PDE1C: variants seen among roughly 807,000 people sequenced by gnomAD.
PDE1C encodes the protein phosphodiesterase 1C, also known as dual specificity calcium/calmodulin-dependent 3',5'-cyclic nucleotide phosphodiesterase 1C.
Under a neutral mutation model 93.1 loss-of-function variants are expected in PDE1C, and 62 were observed. That is an observed-to-expected ratio of 0.67 (90% CI 0.54 to 0.82). The LOEUF (loss-of-function observed/expected upper bound fraction) is 0.82, where lower values mean the gene tolerates loss of function less well. PDE1C is among the 40% of genes least tolerant of loss of function. The pLI is 0.00. For missense variants in PDE1C, 742 were observed against 884.6 expected (o/e 0.84, Z 2.04); for synonymous variants, 325 against 310.1 (o/e 1.05, Z -0.50).
At chr7:32,380,286 G>A (rs1034716533) in intron 1 of PDE1C, among the ~76,000 whole-genome samples, 5 of 151,304 alleles carry the variant, frequency 3.3e-5, no homozygotes, top group Non-Finnish European at 7.4e-5. Context: ...CACCCAGGCT[G>A]GAGTGCAGTG....
At chr7:32,184,125 G>A (rs973335305) in intron 2 of PDE1C, among the ~76,000 whole-genome samples, 97 of 152,252 alleles carry the variant, frequency 6.4e-4, no homozygotes, top group Middle Eastern at 6.8e-3. Flanking sequence ...TTAGAATGGC[G>A]ATCATTAAAA....
intron 2 of PDE1C, among the ~76,000 whole-genome samples, chr7:32,020,879 A>C (rs1788572445): frequency 6.6e-6 from 1 of 152,132 alleles, no homozygotes; most frequent in South Asian, 2.1e-4. Context: ...CATTGCAGAA[A>C]TTTCTAGACC....
At chr7:31,984,173 A>G (rs1279198642) in intron 2 of PDE1C, among the ~76,000 whole-genome samples, 1 of 152,172 alleles carries the variant, frequency 6.6e-6, no homozygotes, top group African/African-American at 2.4e-5. Flanking sequence ...ACCAGACAGC[A>G]GGAGGTGAGC....
intron 1 of PDE1C, among the ~76,000 whole-genome samples, chr7:32,262,316 A>G (rs1280165613): frequency 2.6e-5 from 4 of 152,118 alleles, no homozygotes; most frequent in Non-Finnish European, 5.9e-5. Context: ...CTTAAACTCA[A>G]TGAAAAAATT....
At chr7:32,071,992 T>C (rs1796090159), upstream of PDE1C, among the ~76,000 whole-genome samples, 1 of 146,620 alleles carries the variant, frequency 6.8e-6, no homozygotes. Context: ...AGAATTATTT[T>C]CCTATCTATT....
At chr7:32,254,909 C>T (rs1449592209) in intron 1 of PDE1C, among the ~76,000 whole-genome samples, 1 of 152,216 alleles carries the variant, frequency 6.6e-6, no homozygotes, top group African/African-American at 2.4e-5. Flanking sequence ...ACTCAGTAGA[C>T]AATGGCTGCC....
intron 2 of PDE1C, among the ~76,000 whole-genome samples, chr7:31,984,058 G>A (rs546428147): frequency 6.6e-6 from 1 of 152,272 alleles, no homozygotes; most frequent in African/African-American, 2.4e-5. Flanking sequence ...GCAGGAGGAG[G>A]AAGAGTACCT....
intron 3 of PDE1C, among the ~76,000 whole-genome samples, chr7:32,098,071 A>G (rs1176930200): frequency 6.7e-6 from 1 of 149,318 alleles, no homozygotes; most frequent in African/African-American, 2.5e-5. Flanking sequence ...TCTACTAAAA[A>G]TACAAAAAAT....
intron 2 of PDE1C, among the ~76,000 whole-genome samples, chr7:31,892,417 A>T (rs777979198): frequency 3.3e-5 from 5 of 152,188 alleles, no homozygotes; most frequent in Non-Finnish European, 5.9e-5. Context: ...CGGTGAGAGA[A>T]AAAGAATCCC....
At chr7:32,036,743 T>C (rs75597768) in intron 2 of PDE1C, among the ~76,000 whole-genome samples, 3,345 of 152,268 alleles carry the variant, frequency 0.022, 135 homozygotes, top group African/African-American at 0.076. Context: ...TAACCAAGAA[T>C]GACTCAACAA....
intron 2 of PDE1C, among the ~76,000 whole-genome samples, chr7:31,887,764 A>G (rs1410884795): frequency 6.6e-6 from 1 of 152,230 alleles, no homozygotes; most frequent in African/African-American, 2.4e-5. Flanking sequence ...TGTGACAACA[A>G]TGAAACACAA....
chr7:31,919,909 T>A (rs761527722), intron 2 of PDE1C, among the ~76,000 whole-genome samples: 1 of 152,178 alleles, frequency 6.6e-6, no homozygotes, highest in Non-Finnish European at 1.5e-5. Context: ...TTCTGGCTCC[T>A]CTGAGCAGCC....
At chr7:31,790,681 A>C (rs1784488570) in intron 16 of PDE1C, among the ~76,000 whole-genome samples, 1 of 152,092 alleles carries the variant, frequency 6.6e-6, no homozygotes, top group African/African-American at 2.4e-5. Flanking sequence ...TCCCTCTCAG[A>C]ATTCTTGCCC....
At chr7:31,769,782 C>T (rs931097680) in intron 17 of PDE1C, among the ~76,000 whole-genome samples, 2 of 152,166 alleles carry the variant, frequency 1.3e-5, no homozygotes, top group East Asian at 1.9e-4. Context: ...CTCCCCAGCC[C>T]GTGACAACCA....
At position 31,753,469 on chromosome 7, in the gene PDE1C, T is replaced by A. The variant is rs1415990347; in HGVS notation, c.2045A>T (p.Glu682Val). Residue 682 changes from glutamate to valine, a missense_variant, in exon 18 of 18, where the codon GAG (glutamate) becomes GTG (valine). Glu to Val is a moderately radical substitution (Grantham distance 121). Coordinates refer to ENST00000396191, the MANE Select transcript of PDE1C (RefSeq NM_001191057.4). The part of the protein sequence containing the change: ...YAPSVSKKTD[E>V]HPARYKMLDQ... The stretch of plus-strand genomic sequence containing the variant: ...CAGCATCTTGTACCTTGCAGGATGC[T>A]CATCAGTTTTCTTTGAGACTGAAGG... The A allele has an allele frequency of 6.2e-7, 1 of 1,612,602 alleles. No individual in the cohort carries two copies.
At chr7:32,159,566 A>G (rs1056242500) in intron 3 of PDE1C, among the ~76,000 whole-genome samples, 2 of 152,160 alleles carry the variant, frequency 1.3e-5, no homozygotes, top group African/African-American at 2.4e-5. Flanking sequence ...GTAGAGTCCC[A>G]TATCAGTAGG....
intron 2 of PDE1C, among the ~76,000 whole-genome samples, chr7:31,960,165 G>A (rs540521187): frequency 3.3e-5 from 5 of 152,162 alleles, no homozygotes; most frequent in East Asian, 1.9e-4. Flanking sequence ...GTGAGCCACC[G>A]CGCCCGGCCT....
chr7:32,196,893 G>C (rs1804659269), intron 2 of PDE1C, among the ~76,000 whole-genome samples: 2 of 152,184 alleles, frequency 1.3e-5, no homozygotes, highest in Admixed American at 6.5e-5. Context: ...TATATGATTT[G>C]TAGGTTTTCA....
At chr7:32,300,382 C>A (rs1812852840), upstream of PDE1C, among the ~76,000 whole-genome samples, 1 of 152,178 alleles carries the variant, frequency 6.6e-6, no homozygotes, top group South Asian at 2.1e-4. Context: ...TGTCATGAAC[C>A]TCATGCCACA....
Sources: gnomAD v4.1 joint callset for allele counts (sites outside exome capture counted in the v4.1 genomes callset) on GRCh38, gnomAD v4.1.1 for gene constraint, MANE v1.5 for transcripts, NCBI Gene and HGNC (gene_info 2026-07-23, HGNC 2026-07-21) for gene names.